WDPCP: variants seen among roughly 807,000 people sequenced by gnomAD.
WDPCP encodes WD repeat-containing and planar cell polarity effector protein fritz homolog.
A neutral mutation model predicts 93.1 loss-of-function variants in WDPCP; 71 were observed. The ratio of observed to expected loss-of-function variants is 0.76; its 90% CI spans 0.63 to 0.93. The LOEUF is 0.93. Ranked by LOEUF, WDPCP falls within the 40% of genes least tolerant of loss-of-function variation. The pLI is 0.00. For synonymous variants in WDPCP, 315 were observed against 315.0 expected, an observed-to-expected ratio of 1.00 and a Z score of 0.00; for missense variants, 844 against 887.4, an observed-to-expected ratio of 0.95 and a Z score of 0.62.
At chr2:63,640,711 T>C (rs1245114041) in intron 3 of WDPCP, among the ~76,000 whole-genome samples, 1 of 152,200 alleles carries the variant, frequency 6.6e-6, no homozygotes, top group Non-Finnish European at 1.5e-5. Context: ...TGTATATATT[T>C]ATCAGGAATA....
chr2:63,267,183 T>C (rs894369735), intron 13 of WDPCP, among the ~76,000 whole-genome samples: 2 of 152,308 alleles, frequency 1.3e-5, no homozygotes, highest in Non-Finnish European at 2.9e-5. Flanking sequence ...CAAGTATTTA[T>C]GGTCAGTTGA....
chr2:63,541,552 AATATTGAAGT>A (rs1440351296), intron 1 of WDPCP, among the ~76,000 whole-genome samples: 1 of 152,314 alleles, frequency 6.6e-6, no homozygotes, highest in Admixed American at 6.5e-5. Context: ...TAAAATAACA[AATATTGAAGT>A]ATATAGCAAA....
At chr2:63,640,093 C>A (rs61361027) in intron 3 of WDPCP, among the ~76,000 whole-genome samples, 10,054 of 152,258 alleles carry the variant, frequency 0.066, 977 homozygotes, top group African/African-American at 0.22. Flanking sequence ...ACTGCACGCT[C>A]CGCCTCCCAG....
intron 6 of WDPCP, among the ~76,000 whole-genome samples, chr2:63,484,194 G>A (rs905794590): frequency 6.6e-6 from 1 of 151,860 alleles, no homozygotes; most frequent in Non-Finnish European, 1.5e-5. Context: ...GTATGTAGTC[G>A]GCTTGTTGAT....
rs1672808177 is a variant in WDPCP at position 63,164,150 on chromosome 2, G to A, written c.2078+10520C>T. On this transcript the variant is annotated intron_variant, in intron 15 of 17. Coordinates refer to ENST00000272321, the MANE Select transcript of WDPCP (RefSeq NM_015910.7). ...ATCTAATACAAATGAGAAAATTGAGGCAACCAGAGAAGTTGACTTATTTGA... is the reference window on the plus strand; with the variant it reads ...ATCTAATACAAATGAGAAAATTGAGACAACCAGAGAAGTTGACTTATTTGA... Among the ~76,000 whole-genome samples the A allele has an allele frequency of 3.3e-5, 5 of 152,216 alleles. No homozygotes were observed. In the South Asian group the frequency reaches 1.0e-3, roughly 32 times the overall value.
At chr2:63,428,182 T>C in intron 9 of WDPCP, among the ~76,000 whole-genome samples, 1 of 128,928 alleles carries the variant, frequency 7.8e-6, no homozygotes, top group South Asian at 2.7e-4. Flanking sequence ...ATTGAAACTA[T>C]TCCAAAAAAA....
chr2:63,508,495 A>T (rs972403156), intron 1 of WDPCP, among the ~76,000 whole-genome samples: 17 of 152,236 alleles, frequency 1.1e-4, no homozygotes, highest in African/African-American at 4.1e-4. Flanking sequence ...CAAAATCTAG[A>T]GACCATTGAC....
At chr2:63,214,619 C>A (rs1378920531) in intron 14 of WDPCP, among the ~76,000 whole-genome samples, 1 of 152,084 alleles carries the variant, frequency 6.6e-6, no homozygotes, top group African/African-American at 2.4e-5. Flanking sequence ...GAAGTACTGG[C>A]CAGGGCAGTC....
At chr2:63,629,770 A>G (rs1709845242) in intron 3 of WDPCP, among the ~76,000 whole-genome samples, 1 of 152,244 alleles carries the variant, frequency 6.6e-6, no homozygotes, top group African/African-American at 2.4e-5. Context: ...CTCAGCTGGC[A>G]ATAAAGCGGT....
intron 14 of WDPCP, among the ~76,000 whole-genome samples, chr2:63,245,455 C>T (rs571536496): frequency 6.6e-6 from 1 of 152,138 alleles, no homozygotes; most frequent in Admixed American, 6.6e-5. Flanking sequence ...TGTAAAACAT[C>T]TTGGAGAGCA....
At chr2:63,491,652 C>T (rs1700886509) in intron 2 of WDPCP, among the ~76,000 whole-genome samples, 1 of 152,154 alleles carries the variant, frequency 6.6e-6, no homozygotes. Context: ...CTTCTACTGC[C>T]CCTGGTGTTC....
intron 2 of WDPCP, among the ~76,000 whole-genome samples, chr2:63,695,101 T>C (rs1668946155): frequency 6.6e-6 from 1 of 152,218 alleles, no homozygotes; most frequent in South Asian, 2.1e-4. Flanking sequence ...TTATTTCTCT[T>C]ACTTGTCTTA....
At position 63,736,957 on chromosome 2, in the gene WDPCP, G is replaced by GA. The variant is rs111442199; in HGVS notation, n.308+76664dup. Among the ~76,000 whole-genome samples the GA allele has an allele frequency of 6.5e-4, 95 of 146,502 alleles. 1 individual carries two copies. The highest frequency in any genetic ancestry group is 3.4e-3 in the Middle Eastern group (1 of 292). On this transcript the variant is annotated intron_variant and non_coding_transcript_variant, in intron 2 of 4. Coordinates refer to the WDPCP transcript ENST00000467687. ...TTCTTTAAATGCTGCCAAAGACAAA[G>GA]AAAAAAAAAACCATATATTACCTTA...
At position 63,404,362 on chromosome 2, in the gene WDPCP, G is replaced by A. The variant is rs1244838887; in HGVS notation, c.1121C>T (p.Ala374Val). Residue 374 changes from alanine to valine, a missense_variant, in exon 10 of 18, where the codon GCA becomes GTA. By Grantham distance (64) the Ala-to-Val change is moderately conservative. Coordinates refer to ENST00000272321, the MANE Select transcript of WDPCP (RefSeq NM_015910.7). The part of the protein sequence containing the change: ...YETHRRVTLL[A>V]QTELLPSLIS... ...TAATGAAGGCAAAAGTTCAGTCTGT[G>A]CTAAGAGAGTCACTCTACGGTGAGT... is the stretch of plus-strand genomic sequence containing the variant. The A allele has an allele frequency of 3.1e-6, 5 of 1,614,166 alleles. No individual in the cohort carries two copies. Among genetic ancestry groups the A allele is most frequent in the Non-Finnish European group, 3.4e-6 (4 of 1,180,018 alleles).
intron 3 of WDPCP, among the ~76,000 whole-genome samples, chr2:63,646,109 A>G (rs184013826): frequency 5.9e-5 from 9 of 152,132 alleles, no homozygotes; most frequent in South Asian, 2.1e-4. Context: ...CCTTTAGTGA[A>G]GGTAATTTTC....
chr2:63,511,466 C>CT (rs949490328), intron 1 of WDPCP, among the ~76,000 whole-genome samples: 8 of 152,260 alleles, frequency 5.3e-5, no homozygotes, highest in African/African-American at 1.9e-4. Context: ...AAGAACAAAG[C>CT]TGAAGGCATC....
intron 2 of WDPCP, among the ~76,000 whole-genome samples, chr2:63,791,151 T>A (rs1214079249): frequency 6.6e-6 from 1 of 152,142 alleles, no homozygotes; most frequent in African/African-American, 2.4e-5. Flanking sequence ...CACTGGGGTC[T>A]ATCATTTAGC....
At chr2:63,639,279 A>T (rs1709954792) in intron 3 of WDPCP, among the ~76,000 whole-genome samples, 1 of 152,182 alleles carries the variant, frequency 6.6e-6, no homozygotes, top group Non-Finnish European at 1.5e-5. Flanking sequence ...AGTAGCTAAG[A>T]TTACAAACAT....
intron 9 of WDPCP, among the ~76,000 whole-genome samples, chr2:63,428,983 A>C (rs560072803): frequency 1.3e-5 from 2 of 152,286 alleles, no homozygotes; most frequent in African/African-American, 4.8e-5. Context: ...CAACCTAGAG[A>C]TGGAACAGAA....
Sources: allele counts gnomAD v4.1 joint callset (sites outside exome capture counted in the v4.1 genomes callset), GRCh38; gene constraint gnomAD v4.1.1; transcripts MANE v1.5; gene names NCBI Gene and HGNC (gene_info 2026-07-23, HGNC 2026-07-21).